The following GNA14 variants were observed in gnomAD, a reference collection of about 807,000 sequenced individuals.
GNA14 encodes guanine nucleotide-binding protein subunit alpha-14.
GNA14 carries 50 observed loss-of-function variants against 42.0 expected under a neutral mutation model. The observed-to-expected ratio is 1.19, with a 90% confidence interval of 0.95 to 1.51. The LOEUF is 1.51. GNA14 is among the 40% of genes most tolerant of loss of function. The pLI, the probability that GNA14 is intolerant of heterozygous loss-of-function variation, is 0.00. For synonymous variants in GNA14, 173 were observed against 163.1 expected (o/e 1.06, Z -0.46); for missense variants, 473 against 446.2 (o/e 1.06, Z -0.54).
At chr9:77,429,057 T>G (rs779323824) in intron 4 of GNA14, 21 bp from the exon 5 acceptor site, 1 of 1,613,322 alleles carries the variant, frequency 6.2e-7, no homozygotes, top group Non-Finnish European at 8.5e-7. Context: ...GAAACACAGA[T>G]CCTTCAAAGG....
In GNA14 at chr9:77,423,360, T is replaced by G. The variant is rs1242554877; in HGVS notation, c.*619A>C. 1.3e-5 allele frequency: 2 copies of G among 152,100 alleles called. No homozygotes were observed. Among genetic ancestry groups the G allele is most frequent in the Non-Finnish European group, 2.9e-5 (2 of 68,028 alleles). 9.4% of individuals were successfully genotyped at this position (152,100 alleles called of 1,614,324 possible). A position where few individuals can be genotyped will look rare whatever the true frequency, so the allele number is the denominator to read the frequency against. ...TATGTCAGCTTTGGCTTCTTGGTGA[T>G]CAAACTGTGGCAAAGCTAAATTAGA... On this transcript the variant is annotated 3_prime_UTR_variant, in exon 7 of 7. Coordinates refer to ENST00000341700, the MANE Select transcript of GNA14 (RefSeq NM_004297.4).
intron 1 of GNA14, among the ~76,000 whole-genome samples, chr9:77,607,815 G>A (rs1441056779): frequency 1.3e-5 from 2 of 152,096 alleles, no homozygotes; most frequent in Non-Finnish European, 2.9e-5. Context: ...ATGGTGGAGA[G>A]AGAGAAAAAA....
At chr9:77,474,289 C>T (rs148312367) in intron 2 of GNA14, among the ~76,000 whole-genome samples, 5 of 152,144 alleles carry the variant, frequency 3.3e-5, no homozygotes, top group Non-Finnish European at 5.9e-5. Context: ...GAATGAAGAA[C>T]GCTTACAACT....
chr9:77,631,889 G>T (rs1322283686), intron 1 of GNA14, among the ~76,000 whole-genome samples: 1 of 152,148 alleles, frequency 6.6e-6, no homozygotes, highest in Non-Finnish European at 1.5e-5. Context: ...CTGGTAAGAG[G>T]CAGGCACAAG....
intron 2 of GNA14, among the ~76,000 whole-genome samples, chr9:77,515,963 A>AAAAAAAAAAAAAAAAAAC (rs1837249488): frequency 7.6e-6 from 1 of 130,896 alleles, no homozygotes; most frequent in Non-Finnish European, 1.5e-5. Flanking sequence ...TGTCTCACAA[A>AAAAAAAAAAAAAAAAAAC]AAAAAAAAAA....
At chr9:77,520,561 C>CTTATTTAT (rs144332892) in intron 2 of GNA14, among the ~76,000 whole-genome samples, 6 of 151,876 alleles carry the variant, frequency 4.0e-5, no homozygotes, top group African/African-American at 1.5e-4. Flanking sequence ...AAGTTGAATA[C>CTTATTTAT]TTATTTATTT....
intron 2 of GNA14, among the ~76,000 whole-genome samples, chr9:77,488,087 A>T (rs1486572623): frequency 6.6e-6 from 1 of 152,242 alleles, no homozygotes; most frequent in Non-Finnish European, 1.5e-5. Context: ...GTGTAGAAGC[A>T]AGCTGCCTTC....
intron 1 of GNA14, among the ~76,000 whole-genome samples, chr9:77,595,866 A>G (rs1324915237): frequency 3.3e-5 from 5 of 152,252 alleles, no homozygotes; most frequent in Admixed American, 2.6e-4. Context: ...GCACCTCTTC[A>G]TGGACTGGGC....
intron 2 of GNA14, among the ~76,000 whole-genome samples, chr9:77,480,489 C>G (rs1429517774): frequency 3.9e-5 from 6 of 152,156 alleles, no homozygotes; most frequent in Non-Finnish European, 5.9e-5. Context: ...CAATGTTCAT[C>G]AAGGATATTC....
intron 1 of GNA14, among the ~76,000 whole-genome samples, chr9:77,531,259 A>G (rs576488762): frequency 1.4e-3 from 220 of 152,354 alleles, no homozygotes; most frequent in African/African-American, 4.6e-3. Flanking sequence ...AGAAGTCAGC[A>G]GCTTTCCCCC....
rs1836055208 is a variant in GNA14 at position 77,458,904 on chromosome 9, A to AGGT, written c.310-24383_310-24382insACC. Among the ~76,000 whole-genome samples, 3 of 134,502 alleles carry AGGT rather than the reference A, an allele frequency of 2.2e-5. No homozygotes were observed. The South Asian group carries it at 7.1e-4, about 32-fold the overall frequency. 88.2% of individuals were successfully genotyped at this position (134,502 alleles called of 152,430 possible). A position where few individuals can be genotyped will look rare whatever the true frequency, so the allele number is the denominator to read the frequency against. Reference sequence around the variant, plus strand: ...CTAAGCTCCTTTTATCACAAGCTGGAGGGGGGGGGGTTGTCCTCTTCTCCC... The same window carrying AGGT: ...CTAAGCTCCTTTTATCACAAGCTGGAGGTGGGGGGGGGGTTGTCCTCTTCTCCC... On this transcript the variant is annotated intron_variant, in intron 2 of 6. Transcript: ENST00000341700.
Position 77,556,812 on chromosome 9 carries a change from C to T in GNA14, c.125-27559G>A, listed in dbSNP as rs527906673. On this transcript the variant is annotated intron_variant, in intron 1 of 6. Transcript: ENST00000341700. Reference sequence around the variant, plus strand: ...CTAGCATGGGGTTAGAGTTAAGGCACAGTTAAGAATGTATCTTTGGCAGGT... The same window carrying T: ...CTAGCATGGGGTTAGAGTTAAGGCATAGTTAAGAATGTATCTTTGGCAGGT... Among the ~76,000 whole-genome samples, 24 of 152,294 alleles carry T rather than the reference C, an allele frequency of 1.6e-4. 3 individuals carry two copies. The South Asian group carries it at 5.0e-3, about 32-fold the overall frequency.
intron 2 of GNA14, among the ~76,000 whole-genome samples, chr9:77,469,796 A>T (rs927146491): frequency 6.6e-6 from 1 of 152,310 alleles, no homozygotes; most frequent in African/African-American, 2.4e-5. Context: ...TTCACTCATC[A>T]GTTTTCAGCA....
chr9:77,597,562 G>T (rs758219627), intron 1 of GNA14, among the ~76,000 whole-genome samples: 1 of 151,624 alleles, frequency 6.6e-6, no homozygotes, highest in Non-Finnish European at 1.5e-5. Flanking sequence ...TTAAAATATC[G>T]GTCTTGCCTA....
chr9:77,614,031 T>C (rs1823772770), intron 1 of GNA14, among the ~76,000 whole-genome samples: 1 of 152,240 alleles, frequency 6.6e-6, no homozygotes, highest in Non-Finnish European at 1.5e-5. Context: ...TGCTGGGCTC[T>C]GTTGCAGTAA....
intron 1 of GNA14, among the ~76,000 whole-genome samples, chr9:77,639,218 C>T (rs974981149): frequency 1.3e-5 from 2 of 152,172 alleles, no homozygotes; most frequent in African/African-American, 4.8e-5. Context: ...GCAGCCCACC[C>T]CCTTTCCCTA....
At position 77,434,542 on chromosome 9, in the gene GNA14, C is replaced by A. The variant is rs182712104; in HGVS notation, c.310-20G>T. Reference sequence around the variant, plus strand: ...ATTTTCCTACTCAAAGGAAAGAGAACCTTGCATCAGGCAAAGGAAAGGAAG... The same window carrying A: ...ATTTTCCTACTCAAAGGAAAGAGAAACTTGCATCAGGCAAAGGAAAGGAAG... On this transcript the variant is annotated intron_variant, in intron 2 of 6. Transcript: ENST00000341700. 5 of 1,607,408 alleles carry A rather than the reference C, an allele frequency of 3.1e-6. No individual in the cohort carries two copies. The East Asian group carries it at 1.1e-4, about 36-fold the overall frequency.
intron 1 of GNA14, among the ~76,000 whole-genome samples, chr9:77,607,471 G>A (rs1823659205): frequency 6.6e-6 from 1 of 152,138 alleles, no homozygotes; most frequent in African/African-American, 2.4e-5. Context: ...GGCATGCTAG[G>A]TCTAACATTA....
At chr9:77,623,102 C>A (rs1823954628) in intron 1 of GNA14, among the ~76,000 whole-genome samples, 1 of 149,686 alleles carries the variant, frequency 6.7e-6, no homozygotes, top group South Asian at 2.1e-4. Context: ...GTAGTTCCAG[C>A]TACTCAGGAG....
Sources: allele counts gnomAD v4.1 joint callset (sites outside exome capture counted in the v4.1 genomes callset), GRCh38; gene constraint gnomAD v4.1.1; transcripts MANE v1.5; gene names NCBI Gene and HGNC (gene_info 2026-07-23, HGNC 2026-07-21).